The following MTPN variants were observed in gnomAD, a reference collection of about 807,000 sequenced individuals.
MTPN encodes the protein granule cell differentiation protein.
MTPN carries 2 observed loss-of-function variants against 13.5 expected under a neutral mutation model. That is an observed-to-expected ratio of 0.15 (90% CI 0.06 to 0.47). MTPN has a LOEUF of 0.47. Among genes scored for constraint, MTPN ranks in the 20% least tolerant of loss-of-function variants. MTPN has a pLI of 0.97. For synonymous variants in MTPN, 46 were observed against 51.7 expected, an observed-to-expected ratio of 0.89 and a Z score of 0.48; for missense variants, 79 against 137.9, an observed-to-expected ratio of 0.57 and a Z score of 2.14.
chr7:135,976,252 G>C (rs1201744079), intron 1 of MTPN, among the ~76,000 whole-genome samples: 2 of 152,134 alleles, frequency 1.3e-5, no homozygotes, highest in Admixed American at 6.5e-5. Context: ...TCTTCATCAT[G>C]ATTTTACCCC....
At chr7:135,961,555 T>G (rs1427472173) in intron 1 of MTPN, among the ~76,000 whole-genome samples, 2 of 151,780 alleles carry the variant, frequency 1.3e-5, no homozygotes, top group African/African-American at 4.8e-5. Context: ...TGAGACAACG[T>G]CTCACTGCCT....
chr7:135,945,284 A>C (rs530774607), intron 3 of MTPN, among the ~76,000 whole-genome samples: 1 of 152,172 alleles, frequency 6.6e-6, no homozygotes, highest in Non-Finnish European at 1.5e-5. Flanking sequence ...CACTAAATTT[A>C]TAAGAAAAAT....
chr7:135,939,693 A>G (rs1799178905), intron 3 of MTPN, among the ~76,000 whole-genome samples: 1 of 150,956 alleles, frequency 6.6e-6, no homozygotes, highest in Admixed American at 6.7e-5. Flanking sequence ...CGTTTAGATC[A>G]TTGTAGTAAG....
chr7:135,944,750 C>G (rs922267954), intron 3 of MTPN, among the ~76,000 whole-genome samples: 1 of 152,174 alleles, frequency 6.6e-6, no homozygotes, highest in Non-Finnish European at 1.5e-5. Context: ...ATTGTCAAAA[C>G]TATATTAAGA....
intron 1 of MTPN, among the ~76,000 whole-genome samples, chr7:135,976,664 C>G (rs1001129024): frequency 6.6e-6 from 1 of 152,086 alleles, no homozygotes; most frequent in African/African-American, 2.4e-5. Flanking sequence ...GGAGAATTAC[C>G]TCATTCAAAG....
At chr7:135,947,613 G>A (rs1457601147) in intron 3 of MTPN, among the ~76,000 whole-genome samples, 1 of 152,014 alleles carries the variant, frequency 6.6e-6, no homozygotes, top group African/African-American at 2.4e-5. Context: ...CTGCAGATAT[G>A]TACATGTTCC....
At chr7:135,948,976 T>C (rs1356596245) in intron 3 of MTPN, among the ~76,000 whole-genome samples, 1 of 152,146 alleles carries the variant, frequency 6.6e-6, no homozygotes, top group Non-Finnish European at 1.5e-5. Flanking sequence ...CCATTTCTTT[T>C]GAGAGCTAGC....
intron 1 of MTPN, among the ~76,000 whole-genome samples, chr7:135,964,359 G>A (rs1034216471): frequency 6.6e-6 from 1 of 152,004 alleles, no homozygotes; most frequent in Non-Finnish European, 1.5e-5. Context: ...TGACACTGTA[G>A]GTGCTCAAAT....
At chr7:135,960,961 C>G (rs910935450) in intron 1 of MTPN, among the ~76,000 whole-genome samples, 9 of 151,896 alleles carry the variant, frequency 5.9e-5, no homozygotes, top group African/African-American at 2.2e-4. Flanking sequence ...AACTGAGGTG[C>G]AGGCTGATAG....
chr7:135,941,444 G>A (rs1365059680), intron 3 of MTPN, among the ~76,000 whole-genome samples: 1 of 116,464 alleles, frequency 8.6e-6, no homozygotes, highest in African/African-American at 3.0e-5. Flanking sequence ...AGTGGGTTAA[G>A]TGTTGATGCT....
chr7:135,957,728 ATAGAT>A (rs1313913371), intron 1 of MTPN, among the ~76,000 whole-genome samples: 2 of 152,178 alleles, frequency 1.3e-5, no homozygotes, highest in Non-Finnish European at 2.9e-5. Context: ...TCTCTGAAGA[ATAGAT>A]TAATGTTCTC....
At chr7:135,938,629 T>C (rs1276293193) in intron 3 of MTPN, among the ~76,000 whole-genome samples, 1 of 152,136 alleles carries the variant, frequency 6.6e-6, no homozygotes, top group East Asian at 1.9e-4. Context: ...CATGCTGGTG[T>C]CCTCACTCAG....
chr7:135,957,193 T>C (rs1243685991), intron 1 of MTPN, among the ~76,000 whole-genome samples: 4 of 152,188 alleles, frequency 2.6e-5, no homozygotes, highest in Admixed American at 2.0e-4. Flanking sequence ...ATATATAATG[T>C]ATATACATAA....
At chr7:135,963,899 T>A (rs1799565350) in intron 1 of MTPN, among the ~76,000 whole-genome samples, 1 of 152,026 alleles carries the variant, frequency 6.6e-6, no homozygotes, top group African/African-American at 2.4e-5. Flanking sequence ...TTTGGAAGGT[T>A]TAGAAGCAAT....
rs1202508209 is a variant in MTPN, at chr7:135,926,774, A to C, written c.*3152T>G. 6.5e-6 allele frequency: 1 copy of C among 152,696 alleles called. No homozygotes were observed. Among genetic ancestry groups the C allele is most frequent in the Admixed American group, 6.5e-5 (1 of 15,286 alleles). The allele number at this position is 152,696 out of a possible 1,614,324, so 9.5% of individuals were successfully genotyped here. A position where few individuals can be genotyped will look rare whatever the true frequency, so the allele number is the denominator to read the frequency against. ...GACACATTAGCTGTAGCACAATTCA[A>C]GTTTATTCCATTTGTTCTTGCAACA... is the stretch of plus-strand genomic sequence containing the variant. On this transcript the variant is annotated 3_prime_UTR_variant, in exon 4 of 4. Coordinates refer to ENST00000393085, the MANE Select transcript of MTPN (RefSeq NM_145808.4).
chr7:135,959,209 TTTAC>T (rs768478369), intron 1 of MTPN, among the ~76,000 whole-genome samples: 1 of 152,160 alleles, frequency 6.6e-6, no homozygotes, highest in Non-Finnish European at 1.5e-5. Context: ...TGTACCATAG[TTTAC>T]TTATTCTAAT....
At chr7:135,966,605 C>G (rs1483752032) in intron 1 of MTPN, among the ~76,000 whole-genome samples, 1 of 152,056 alleles carries the variant, frequency 6.6e-6, no homozygotes, top group Admixed American at 6.6e-5. Flanking sequence ...ACAAGAACCA[C>G]CTGGGCACAG....
chr7:135,931,662 GCTA>G (rs757998405), intron 3 of MTPN, among the ~76,000 whole-genome samples: 23 of 152,098 alleles, frequency 1.5e-4, no homozygotes, highest in Admixed American at 6.5e-5. Flanking sequence ...CATTTTGATG[GCTA>G]CTTTTATGAC....
chr7:135,977,210 G>C lies in MTPN; in HGVS notation c.-110C>G. ...GGCAGGGCCGCGCGAAGCCGGAGAGGAGAAGAAGAGAAGGAGGGTTAGGCT... is the reference window on the plus strand; with the variant it reads ...GGCAGGGCCGCGCGAAGCCGGAGAGCAGAAGAAGAGAAGGAGGGTTAGGCT... On this transcript the variant is annotated 5_prime_UTR_variant, in exon 1 of 4. Coordinates refer to ENST00000393085, the MANE Select transcript of MTPN (RefSeq NM_145808.4). 9.3e-7 allele frequency: 1 copy of C among 1,073,404 alleles called. No homozygotes were observed. Among genetic ancestry groups the C allele is most frequent in the Non-Finnish European group, 1.4e-6 (1 of 700,928 alleles). The allele number at this position is 1,073,404 out of a possible 1,614,324, so 66.5% of individuals were successfully genotyped here.
Sources: allele counts gnomAD v4.1 joint callset (sites outside exome capture counted in the v4.1 genomes callset), GRCh38; gene constraint gnomAD v4.1.1; transcripts MANE v1.5; gene names NCBI Gene and HGNC (gene_info 2026-07-23, HGNC 2026-07-21).